UGT2A2: variants seen among roughly 807,000 people sequenced by gnomAD.
The protein encoded by UGT2A2 is UDP glucuronosyltransferase family 2 member A2.
In UGT2A2, 60 loss-of-function variants were observed where a neutral mutation model predicts 50.7. That is an observed-to-expected ratio of 1.18 (90% CI 0.96 to 1.47). UGT2A2 has a LOEUF of 1.47. UGT2A2 is among the 40% of genes most tolerant of loss of function. UGT2A2 has a pLI of 0.00. For missense variants in UGT2A2, 762 were observed against 634.0 expected, an observed-to-expected ratio of 1.20 and a Z score of -2.17; for synonymous variants, 242 against 214.6, an observed-to-expected ratio of 1.13 and a Z score of -1.11.
At chr4:69,617,116 A>G (rs1034806470) in intron 1 of UGT2A2, among the ~76,000 whole-genome samples, 3 of 151,942 alleles carry the variant, frequency 2.0e-5, no homozygotes, top group African/African-American at 7.2e-5. Flanking sequence ...GAATTACAGA[A>G]CTATTGTTAG....
intron 2 of UGT2A2, among the ~76,000 whole-genome samples, chr4:69,599,026 A>G (rs1719097775): frequency 6.6e-6 from 1 of 152,132 alleles, no homozygotes; most frequent in Admixed American, 6.5e-5. Context: ...TATTTGTAAC[A>G]CACAGCTTTA....
intron 1 of UGT2A2, among the ~76,000 whole-genome samples, chr4:69,608,506 C>A (rs957378903): frequency 6.6e-6 from 1 of 151,366 alleles, no homozygotes; most frequent in African/African-American, 2.4e-5. Context: ...ACCAACCTGG[C>A]ACATGTATGT....
chr4:69,604,375 G>C (rs1395687118), intron 1 of UGT2A2, among the ~76,000 whole-genome samples: 1 of 136,578 alleles, frequency 7.3e-6, no homozygotes, highest in African/African-American at 3.0e-5. Flanking sequence ...AATGCTGAGA[G>C]ATTTTGTCAC....
intron 5 of UGT2A2, among the ~76,000 whole-genome samples, chr4:69,593,712 C>T (rs574092002): frequency 6.6e-6 from 1 of 151,664 alleles, no homozygotes; most frequent in South Asian, 2.1e-4. Context: ...ATCCACTACC[C>T]TATATCTTTT....
intron 1 of UGT2A2, among the ~76,000 whole-genome samples, chr4:69,634,138 C>T (rs943531023): frequency 2.0e-5 from 3 of 151,716 alleles, no homozygotes; most frequent in East Asian, 3.9e-4. Context: ...CCAGCTACTC[C>T]GGAGGCTGAG....
intron 1 of UGT2A2, among the ~76,000 whole-genome samples, chr4:69,623,055 T>C (rs1431540812): frequency 2.0e-5 from 3 of 151,836 alleles, no homozygotes; most frequent in Non-Finnish European, 4.4e-5. Flanking sequence ...TGAAATTTTC[T>C]ACCTTCTGTT....
chr4:69,605,036 T>A (rs1377920598), intron 1 of UGT2A2, among the ~76,000 whole-genome samples: 1 of 135,600 alleles, frequency 7.4e-6, no homozygotes, highest in African/African-American at 3.0e-5. Context: ...AACAAGTATA[T>A]CCAGGAATTG....
chr4:69,636,017 T>C (rs992801801), intron 1 of UGT2A2, among the ~76,000 whole-genome samples: 1 of 152,080 alleles, frequency 6.6e-6, no homozygotes, highest in African/African-American at 2.4e-5. Context: ...TTTTAAAATG[T>C]TAATTGTTTT....
chr4:69,599,565 G>A, intron 1 of UGT2A2, 171 bp from the exon 2 acceptor site: 10 of 956,252 alleles, frequency 1.0e-5, no homozygotes, highest in Non-Finnish European at 1.4e-5. Flanking sequence ...AAAGAGGATG[G>A]AAGAAAGGAA....
chr4:69,604,838 T>C lies in UGT2A2; in HGVS notation c.743-5444A>G, dbSNP rs1057026744. On this transcript the variant is annotated intron_variant, in intron 1 of 5. Coordinates refer to ENST00000604629, the MANE Select transcript of UGT2A2 (RefSeq NM_001105677.2). ...AGAGACAAAGAAGGCCATTACATAA[T>C]GGTAAAAGGATCAATTCAACAAGAA... Among the ~76,000 whole-genome samples the C allele has an allele frequency of 5.1e-5, 7 of 136,766 alleles. 2 individuals are homozygous for C. Among genetic ancestry groups the C allele is most frequent in the African/African-American group, 2.1e-4 (7 of 33,724 alleles). The allele number at this position is 136,766 out of a possible 152,430, so 89.7% of individuals were successfully genotyped here.
chr4:69,619,019 A>G (rs1720582145), intron 1 of UGT2A2, among the ~76,000 whole-genome samples: 1 of 151,884 alleles, frequency 6.6e-6, no homozygotes, highest in Non-Finnish European at 1.5e-5. Context: ...AAAAAGTTAT[A>G]TATTATACAA....
intron 1 of UGT2A2, among the ~76,000 whole-genome samples, chr4:69,602,218 A>ACT: frequency 7.3e-6 from 1 of 136,562 alleles, no homozygotes; most frequent in Non-Finnish European, 1.6e-5. Flanking sequence ...AGCAATAAAA[A>ACT]CAGTTGTTCA....
chr4:69,631,879 T>A (rs989571181), intron 1 of UGT2A2, among the ~76,000 whole-genome samples: 4 of 152,070 alleles, frequency 2.6e-5, no homozygotes, highest in Non-Finnish European at 5.9e-5. Flanking sequence ...AGGCTACCAC[T>A]TCACACTACT....
At chr4:69,614,590 C>A (rs1720262889) in intron 1 of UGT2A2, among the ~76,000 whole-genome samples, 1 of 151,856 alleles carries the variant, frequency 6.6e-6, no homozygotes, top group South Asian at 2.1e-4. Context: ...AGCTAGTAGC[C>A]ATAACAGCAT....
In UGT2A2 at chr4:69,601,963, A is replaced by G. The variant is rs1719322832; in HGVS notation, c.743-2569T>C. The stretch of plus-strand genomic sequence containing the variant: ...TTAAAGGGTAGAGTAAAACTAAGAC[A>G]ACTTGAATAATTAATATAATCAAGA... On this transcript the variant is annotated intron_variant, in intron 1 of 5. Transcript: ENST00000604629. Among the ~76,000 whole-genome samples the G allele has an allele frequency of 2.9e-5, 4 of 137,424 alleles. 1 individual carries two copies. The highest frequency in any genetic ancestry group is 6.2e-5 in the Non-Finnish European group (4 of 64,472). 90.2% of individuals were successfully genotyped at this position (137,424 alleles called of 152,430 possible).
chr4:69,589,254 T>C lies in UGT2A2; in HGVS notation c.*118A>G. The stretch of plus-strand genomic sequence containing the variant: ...TATCGCAGGTAGAGAAATAGAAAAT[T>C]TGGAAACAGGATGGGAGACGTGTTT... On this transcript the variant is annotated 3_prime_UTR_variant, in exon 6 of 6. Coordinates refer to ENST00000604629, the MANE Select transcript of UGT2A2 (RefSeq NM_001105677.2). 2 of 1,292,346 alleles carry C rather than the reference T, an allele frequency of 1.5e-6. No homozygotes were observed. Among genetic ancestry groups the C allele is most frequent in the Non-Finnish European group, 2.0e-6 (2 of 979,758 alleles). The allele number at this position is 1,292,346 out of a possible 1,614,324, so 80.1% of individuals were successfully genotyped here. A position where few individuals can be genotyped will look rare whatever the true frequency, so the allele number is the denominator to read the frequency against.
In UGT2A2 at chr4:69,594,464, C is replaced by A; in HGVS notation, c.1331+13G>T. 6.2e-7 allele frequency: 1 copy of A among 1,613,642 alleles called. No individual in the cohort carries two copies. Among genetic ancestry groups the A allele is most frequent in the Non-Finnish European group, 8.5e-7 (1 of 1,179,848 alleles). ...TTAAAGTTAGGCAAGTTTTTAGGAGCCTTAGTACTTACGAAGGTTCATTAA... is the reference window on the plus strand; with the variant it reads ...TTAAAGTTAGGCAAGTTTTTAGGAGACTTAGTACTTACGAAGGTTCATTAA... On this transcript the variant is annotated intron_variant, in intron 5 of 5. Coordinates refer to ENST00000604629, the MANE Select transcript of UGT2A2 (RefSeq NM_001105677.2).
intron 1 of UGT2A2, among the ~76,000 whole-genome samples, chr4:69,635,015 C>A (rs1160530102): frequency 1.3e-5 from 2 of 151,932 alleles, no homozygotes; most frequent in Non-Finnish European, 2.9e-5. Context: ...GGGATGGATA[C>A]CCCGTACTCC....
chr4:69,635,327 C>A (rs866239133), intron 1 of UGT2A2, among the ~76,000 whole-genome samples: 11 of 152,180 alleles, frequency 7.2e-5, no homozygotes, highest in African/African-American at 2.6e-4. Flanking sequence ...ATCTACAGTG[C>A]GCTGGGATGG....
Sources: allele counts gnomAD v4.1 joint callset (sites outside exome capture counted in the v4.1 genomes callset), GRCh38; gene constraint gnomAD v4.1.1; transcripts MANE v1.5; gene names NCBI Gene and HGNC (gene_info 2026-07-23, HGNC 2026-07-21).